STAG2: variants seen among roughly 807,000 people sequenced by gnomAD.
STAG2 encodes the protein cohesin subunit SA-2.
In STAG2, 14 loss-of-function variants were observed where a neutral mutation model predicts 108.1. That is an observed-to-expected ratio of 0.13 (90% CI 0.09 to 0.20). The LOEUF is 0.20. STAG2 is among the 10% of genes least tolerant of loss of function. STAG2 has a pLI of 1.00. For synonymous variants in STAG2, 307 were observed against 302.7 expected (o/e 1.01, Z -0.15); for missense variants, 440 against 940.9 (o/e 0.47, Z 6.96).
chrX:124,045,424 T>C lies in STAG2; in HGVS notation c.667+56T>C. ...GTCTTAGATTTGAGATGAAAAAGATTCTCATTTAAAGAGAAAGGAAATAAC... is the reference window on the plus strand; with the variant it reads ...GTCTTAGATTTGAGATGAAAAAGATCCTCATTTAAAGAGAAAGGAAATAAC... On this transcript the variant is annotated intron_variant, in intron 8 of 34. Transcript: ENST00000371145. 7.8e-6 allele frequency: 8 copies of C among 1,024,711 alleles called. No homozygotes were observed. In the South Asian group the frequency reaches 1.5e-4, roughly 20 times the overall value. 84.4% of individuals were successfully genotyped at this position (1,024,711 alleles called of 1,213,427 possible).
chrX:123,969,792 C>T (rs966518009), intron 1 of STAG2, among the ~76,000 whole-genome samples: 1 of 108,922 alleles, frequency 9.2e-6, no homozygotes, highest in Non-Finnish European at 1.9e-5. Flanking sequence ...ACTACAGGCG[C>T]GTACCACCAC....
intron 1 of STAG2, among the ~76,000 whole-genome samples, chrX:123,966,057 G>A (rs1368759601): frequency 9.0e-6 from 1 of 111,296 alleles, no homozygotes; most frequent in Non-Finnish European, 1.9e-5. Context: ...GTACCGTTTT[G>A]GGAGTTGGGG....
rs1276236344 is a variant in STAG2 at position 124,100,875 on chromosome X, CT to C, written c.*286del. The C allele has an allele frequency of 2.1e-4, 39 of 188,789 alleles. No homozygotes were observed. Among genetic ancestry groups the C allele is most frequent in the South Asian group, 1.1e-3 (3 of 2,627 alleles). 15.6% of individuals were successfully genotyped at this position (188,789 alleles called of 1,213,427 possible). On this transcript the variant is annotated 3_prime_UTR_variant, in exon 35 of 35. Transcript: ENST00000371145. ...TGGCTTTTGAATCGATTATTTCATG[CT>C]TTTTTTTAAAAAAAAAAAAAAACAA... is the stretch of plus-strand genomic sequence containing the variant.
chrX:124,081,928 T>C (rs1035506506), intron 28 of STAG2, among the ~76,000 whole-genome samples: 1 of 111,037 alleles, frequency 9.0e-6, no homozygotes, highest in African/African-American at 3.3e-5. Flanking sequence ...AGGCAGAGGG[T>C]GCAGTGAGCT....
chrX:124,072,904 C>CTTTTTTTTTTTTTTTTTTT (rs779996801), intron 25 of STAG2, among the ~76,000 whole-genome samples: 4 of 72,695 alleles, frequency 5.5e-5, no homozygotes, highest in Admixed American at 1.7e-4. Context: ...TTCTTTCTTT[C>CTTTTTTTTTTTTTTTTTTT]TTTTTTTTTT....
rs150458238 is a variant in STAG2, at chrX:123,980,928, T to C, written c.-163+19072T>C. On this transcript the variant is annotated intron_variant, in intron 1 of 34. Transcript: ENST00000371145. ...TTTTCTTTTTTCCTTCTGTACTTCA[T>C]GTGAAATAAGTGTGTAGGCAACTAC... Among the ~76,000 whole-genome samples the C allele has an allele frequency of 9.1e-4, 102 of 111,667 alleles. 1 individual carries two copies. Among genetic ancestry groups the C allele is most frequent in the African/African-American group, 3.1e-3 (96 of 30,789 alleles).
chrX:124,068,154 A>G (rs1374980434), intron 23 of STAG2, among the ~76,000 whole-genome samples: 1 of 112,224 alleles, frequency 8.9e-6, no homozygotes, highest in Non-Finnish European at 1.9e-5. Context: ...CCAACAAGAA[A>G]TGGAAGATGC....
chrX:124,052,394 C>G, intron 13 of STAG2, among the ~76,000 whole-genome samples: 1 of 111,842 alleles, frequency 8.9e-6, no homozygotes, highest in Non-Finnish European at 1.9e-5. Context: ...TATGAACTTG[C>G]CTATTCTAGA....
intron 15 of STAG2, among the ~76,000 whole-genome samples, chrX:124,058,244 G>T (rs1030442450): frequency 3.0e-5 from 3 of 100,297 alleles, no homozygotes; most frequent in African/African-American, 1.1e-4. Flanking sequence ...TGCAGCCTCT[G>T]CCTCCCAGGT....
intron 30 of STAG2, among the ~76,000 whole-genome samples, chrX:124,088,614 T>TG: frequency 1.5e-5 from 1 of 66,307 alleles, no homozygotes; most frequent in South Asian, 7.8e-4. Flanking sequence ...ATATGTATAA[T>TG]CTTTTTTTTT....
intron 28 of STAG2, 84 bp from the exon 29 acceptor site, chrX:124,083,337 G>C (rs1278111536): frequency 1.3e-6 from 1 of 775,478 alleles, no homozygotes; most frequent in Non-Finnish European, 1.7e-6. Context: ...AAAGGAAGTA[G>C]TGAGTGAAAT....
intron 1 of STAG2, among the ~76,000 whole-genome samples, chrX:123,992,217 A>G (rs1055804489): frequency 8.1e-5 from 9 of 111,418 alleles, no homozygotes; most frequent in Middle Eastern, 4.6e-3. Flanking sequence ...GTTTTTAAAC[A>G]TGCACTCCAA....
chrX:124,064,240 A>T (rs2058457097), intron 20 of STAG2, among the ~76,000 whole-genome samples, 189 bp downstream of exon 20: 1 of 111,202 alleles, frequency 9.0e-6, no homozygotes, highest in Admixed American at 9.6e-5. Context: ...AGAATCTGTG[A>T]CTCAGAGAAG....
chrX:123,968,370 A>G (rs1201982387), intron 1 of STAG2, among the ~76,000 whole-genome samples: 3 of 112,465 alleles, frequency 2.7e-5, no homozygotes, highest in Non-Finnish European at 5.6e-5. Context: ...CTTTGTAAGA[A>G]ATAAGTTGGC....
At chrX:124,049,327 A>T (rs2057969168) in intron 10 of STAG2, among the ~76,000 whole-genome samples, 1 of 111,520 alleles carries the variant, frequency 9.0e-6, no homozygotes, top group Admixed American at 9.5e-5. Flanking sequence ...TGCTATTTGG[A>T]GTTGGGCTAC....
chrX:124,087,483 G>A (rs1468590753), intron 30 of STAG2, among the ~76,000 whole-genome samples: 3 of 111,911 alleles, frequency 2.7e-5, no homozygotes, highest in Admixed American at 9.5e-5. Context: ...AAAGGCTGGT[G>A]GCTGAAATCA....
chrX:124,093,534 A>C (rs1393047079), intron 32 of STAG2, among the ~76,000 whole-genome samples: 1 of 100,546 alleles, frequency 9.9e-6, no homozygotes, highest in East Asian at 3.1e-4. Context: ...CGTAGTAGGC[A>C]TTGTGTGAGT....
intron 1 of STAG2, among the ~76,000 whole-genome samples, chrX:123,978,952 T>A (rs977382898): frequency 1.2e-4 from 13 of 111,774 alleles, no homozygotes; most frequent in Non-Finnish European, 5.6e-5. Flanking sequence ...GCTGGCATGG[T>A]AGGCCCCCCA....
chrX:124,033,590 A>G (rs1348039714), intron 5 of STAG2, among the ~76,000 whole-genome samples: 2 of 110,803 alleles, frequency 1.8e-5, no homozygotes, highest in Non-Finnish European at 3.8e-5. Flanking sequence ...GGTGAAACCC[A>G]GTCTCTACTA....
Sources: gnomAD v4.1 joint callset for allele counts (sites outside exome capture counted in the v4.1 genomes callset) on GRCh38, gnomAD v4.1.1 for gene constraint, MANE v1.5 for transcripts, NCBI Gene and HGNC (gene_info 2026-07-23, HGNC 2026-07-21) for gene names.